Variants in ATRNL1 observed in about 807,000 individuals in gnomAD.
The protein encoded by ATRNL1 is attractin-like protein 1.
A neutral mutation model predicts 182.7 loss-of-function variants in ATRNL1; 95 were observed. The observed-to-expected ratio is 0.52, with a 90% CI of 0.44 to 0.62. The LOEUF is 0.62. Among genes scored for constraint, ATRNL1 ranks in the 20% least tolerant of loss-of-function variants. The pLI is 0.00. For synonymous variants in ATRNL1, 576 were observed against 568.3 expected (o/e 1.01, Z -0.19); for missense variants, 1,471 against 1,679.5 (o/e 0.88, Z 2.17).
intron 26 of ATRNL1, among the ~76,000 whole-genome samples, chr10:115,595,580 CTT>C (rs1353567661): frequency 1.7e-4 from 26 of 152,178 alleles, no homozygotes; most frequent in Admixed American, 5.2e-4. Context: ...CTTGTTTGCT[CTT>C]TTATTACACT....
intron 15 of ATRNL1, among the ~76,000 whole-genome samples, chr10:115,299,124 A>C (rs2133972107): frequency 6.6e-6 from 1 of 151,976 alleles, no homozygotes; most frequent in South Asian, 2.1e-4. Flanking sequence ...ACATCATTTC[A>C]CATTGTAATA....
chr10:115,599,902 C>T (rs1173121362), intron 26 of ATRNL1, among the ~76,000 whole-genome samples: 1 of 152,088 alleles, frequency 6.6e-6, no homozygotes, highest in Non-Finnish European at 1.5e-5. Context: ...TGTATGTATC[C>T]AGTTAACCAC....
chr10:115,582,207 G>A (rs11197307), intron 26 of ATRNL1, among the ~76,000 whole-genome samples: 60,547 of 112,000 alleles, frequency 0.54, 13,039 homozygotes, highest in Non-Finnish European at 0.64. Flanking sequence ...GTAAACATAC[G>A]TGTGCACGTG....
rs138513096 is a variant in ATRNL1, at chr10:115,469,246, T to A, written c.3571T>A (p.Tyr1191Asn). 3.3e-5 allele frequency: 49 copies of A among 1,503,856 alleles called. No individual in the cohort carries two copies. The highest frequency in any genetic ancestry group is 6.5e-5 in the Admixed American group (3 of 45,870). 93.2% of individuals were successfully genotyped at this position (1,503,856 alleles called of 1,614,324 possible). The change falls in exon 24 of 29, where the codon TAT (tyrosine) becomes AAT (asparagine). Residue 1191 changes from tyrosine (Y) to asparagine (N), a missense_variant. This residue lies in a region of ATRNL1 where 437 missense variants were observed against 506.0 expected (regional missense o/e 0.86). Transcript: ENST00000355044. Reference protein sequence around the residue: ...NIKEYRDSFSYEKFNFRSNPN... With the variant: ...NIKEYRDSFSNEKFNFRSNPN... ...AAAGGAATACAGAGATAGTTTTTCC[T>A]ATGAAAAATTTAACTTTAGAAGCAA... is the stretch of plus-strand genomic sequence containing the variant.
chr10:115,421,127 C>A (rs1554961841), intron 20 of ATRNL1, among the ~76,000 whole-genome samples: 1 of 152,082 alleles, frequency 6.6e-6, no homozygotes, highest in East Asian at 1.9e-4. Context: ...TAAAAATGAA[C>A]TCATACCAAT....
In ATRNL1 at chr10:115,694,689, T is replaced by C. The variant is rs12257990; in HGVS notation, c.3796-32559T>C. Among the ~76,000 whole-genome samples, 1,449 of 152,156 alleles carry C rather than the reference T, an allele frequency of 9.5e-3. 24 individuals are homozygous for C. Among genetic ancestry groups the C allele is most frequent in the African/African-American group, 0.033 (1,368 of 41,520 alleles). ...AACATGATTTGATGTTCAATACAAC[T>C]AACAAAATTGTAGTGGAACACAATG... On this transcript the variant is annotated intron_variant, in intron 26 of 28. Coordinates refer to ENST00000355044, the MANE Select transcript of ATRNL1 (RefSeq NM_207303.4).
intron 25 of ATRNL1, among the ~76,000 whole-genome samples, chr10:115,539,885 G>A (rs1207239438): frequency 6.7e-6 from 1 of 150,338 alleles, no homozygotes. Flanking sequence ...GGAAAAGTGT[G>A]TAGTTTCTGA....
At chr10:115,121,655 C>A in intron 2 of ATRNL1, 44 bp from the exon 3 acceptor site, 1 of 831,672 alleles carries the variant, frequency 1.2e-6, no homozygotes, top group Non-Finnish European at 1.9e-6. Flanking sequence ...TCACTCTGTG[C>A]TTTGTATATT....
intron 10 of ATRNL1, among the ~76,000 whole-genome samples, chr10:115,257,364 T>A (rs1162619327): frequency 1.3e-5 from 2 of 152,224 alleles, no homozygotes; most frequent in Non-Finnish European, 2.9e-5. Flanking sequence ...GTTAAATTGA[T>A]CCCTTTACCA....
intron 26 of ATRNL1, among the ~76,000 whole-genome samples, chr10:115,686,167 T>A (rs1349315915): frequency 6.6e-6 from 1 of 151,990 alleles, no homozygotes; most frequent in Admixed American, 6.6e-5. Flanking sequence ...TTCTATTTTC[T>A]CAGAAGGAAG....
chr10:115,657,598 G>T (rs532784524), intron 26 of ATRNL1, among the ~76,000 whole-genome samples: 2 of 152,228 alleles, frequency 1.3e-5, no homozygotes, highest in East Asian at 3.9e-4. Context: ...TGTCATGCAG[G>T]AGTCACGATG....
intron 8 of ATRNL1, among the ~76,000 whole-genome samples, chr10:115,172,155 T>C (rs2144099643): frequency 6.6e-6 from 1 of 152,102 alleles, no homozygotes; most frequent in Middle Eastern, 3.4e-3. Context: ...CTCCACTGTT[T>C]CCCTTGCAGT....
At chr10:115,507,373 T>C (rs1389481013) in intron 24 of ATRNL1, among the ~76,000 whole-genome samples, 1 of 152,014 alleles carries the variant, frequency 6.6e-6, no homozygotes, top group Non-Finnish European at 1.5e-5. Flanking sequence ...ATTCAATAAG[T>C]AAAAATGCTA....
chr10:115,830,120 G>T (rs1052212052), intron 27 of ATRNL1, among the ~76,000 whole-genome samples: 2 of 152,194 alleles, frequency 1.3e-5, no homozygotes, highest in Admixed American at 1.3e-4. Context: ...AGTTCCTGGT[G>T]CATTGGCGGA....
intron 26 of ATRNL1, among the ~76,000 whole-genome samples, chr10:115,696,870 CGAGAGAGAGA>C (rs138252590): frequency 5.2e-5 from 7 of 133,956 alleles, no homozygotes; most frequent in Non-Finnish European, 8.1e-5. Context: ...CATATCAGAG[CGAGAGAGAGA>C]GAGAGAGAGA....
intron 27 of ATRNL1, among the ~76,000 whole-genome samples, chr10:115,752,653 T>C: frequency 6.6e-6 from 1 of 152,058 alleles, no homozygotes. Context: ...TACTATGTTG[T>C]ATGATATGTT....
chr10:115,656,785 T>C (rs1860362678), intron 26 of ATRNL1, among the ~76,000 whole-genome samples: 1 of 152,180 alleles, frequency 6.6e-6, no homozygotes, highest in Non-Finnish European at 1.5e-5. Context: ...GAGGTTCTCC[T>C]TATAATTTTC....
chr10:115,642,702 C>A (rs1859332557), intron 26 of ATRNL1, among the ~76,000 whole-genome samples: 2 of 152,174 alleles, frequency 1.3e-5, no homozygotes, highest in South Asian at 4.1e-4. Flanking sequence ...GCCTTGGCCT[C>A]CCAAAGTGCT....
At chr10:115,483,744 G>A (rs571049102) in intron 24 of ATRNL1, among the ~76,000 whole-genome samples, 2 of 151,734 alleles carry the variant, frequency 1.3e-5, no homozygotes, top group Non-Finnish European at 3.0e-5. Context: ...TTAAATGTGA[G>A]TGTTATGATT....
Sources: gnomAD v4.1 joint callset for allele counts (sites outside exome capture counted in the v4.1 genomes callset) on GRCh38, gnomAD v4.1.1 for gene constraint, gnomAD v4.1.1 regional missense constraint, MANE v1.5 for transcripts, NCBI Gene and HGNC (gene_info 2026-07-23, HGNC 2026-07-21) for gene names.